The following SLC39A12 variants were observed in gnomAD, a reference collection of about 807,000 sequenced individuals.
SLC39A12 encodes zinc transporter ZIP12.
Under a neutral mutation model 71.1 loss-of-function variants are expected in SLC39A12, and 63 were observed. The ratio of observed to expected loss-of-function variants is 0.89; its 90% CI spans 0.72 to 1.09. The LOEUF (loss-of-function observed/expected upper bound fraction) is 1.09, where lower values mean the gene tolerates loss of function less well. Ranked by LOEUF, SLC39A12 falls within the 50% of genes least tolerant of loss-of-function variation. The pLI is 0.00. For missense variants in SLC39A12, 892 were observed against 812.6 expected, an observed-to-expected ratio of 1.10 and a Z score of -1.19; for synonymous variants, 351 against 301.3, an observed-to-expected ratio of 1.16 and a Z score of -1.71.
intron 2 of SLC39A12, among the ~76,000 whole-genome samples, chr10:17,957,346 C>T (rs1834577189): frequency 6.6e-6 from 1 of 152,154 alleles, no homozygotes; most frequent in South Asian, 2.1e-4. Flanking sequence ...GCCTGTTTAG[C>T]TTGAAAGGGG....
intron 3 of SLC39A12, among the ~76,000 whole-genome samples, chr10:17,962,511 G>C (rs1407016448): frequency 6.7e-6 from 1 of 150,364 alleles, no homozygotes; most frequent in African/African-American, 2.4e-5. Flanking sequence ...AATCTCAGCA[G>C]ATAAAGTTCT....
intron 10 of SLC39A12, among the ~76,000 whole-genome samples, chr10:17,999,340 CTAACAG>C (rs1835770904): frequency 6.9e-6 from 1 of 144,546 alleles, no homozygotes; most frequent in Non-Finnish European, 1.5e-5. Context: ...GCATTCAGTT[CTAACAG>C]TAACAGTAAC....
intron 12 of SLC39A12, among the ~76,000 whole-genome samples, chr10:18,028,638 C>T (rs1174373618): frequency 3.3e-5 from 5 of 152,138 alleles, no homozygotes; most frequent in Non-Finnish European, 5.9e-5. Flanking sequence ...CTCCTAATTT[C>T]CTTCATGAGT....
intron 5 of SLC39A12, 29 bp from the exon 6 acceptor site, chr10:17,981,283 A>C: frequency 6.4e-7 from 1 of 1,563,882 alleles, no homozygotes; most frequent in Non-Finnish European, 8.7e-7. Context: ...TGCTGAGATT[A>C]GTAACAATGT....
In SLC39A12 at chr10:17,975,399, G is replaced by A. The variant is rs1835084574; in HGVS notation, c.752-2503G>A. On this transcript the variant is annotated intron_variant, in intron 4 of 12. Coordinates refer to ENST00000377369, the MANE Select transcript of SLC39A12 (RefSeq NM_001145195.2). ...GTTAGCAGGTGACAAGTCCTGCCCG[G>A]ACTGGGTCCTTCCCTTCAAGGCAGC... 3.3e-5 allele frequency among the ~76,000 whole-genome samples: 5 copies of A among 152,160 alleles called. No individual in the cohort carries two copies. The South Asian group carries it at 1.0e-3, about 32-fold the overall frequency.
At chr10:18,013,445 G>A (rs2130864642) in intron 12 of SLC39A12, among the ~76,000 whole-genome samples, 2 of 151,518 alleles carry the variant, frequency 1.3e-5, no homozygotes, top group South Asian at 4.2e-4. Context: ...ATAGCTTACT[G>A]TAGGCTTGAT....
At chr10:17,979,547 GATGAA>G (rs1458531851) in intron 5 of SLC39A12, among the ~76,000 whole-genome samples, 1 of 152,064 alleles carries the variant, frequency 6.6e-6, no homozygotes, top group East Asian at 1.9e-4. Context: ...TATTGTTGAT[GATGAA>G]ATAATTACAT....
In SLC39A12 at chr10:17,988,650, T is replaced by C. The variant is rs75281024; in HGVS notation, c.1269+999T>C. 3.3e-3 allele frequency among the ~76,000 whole-genome samples: 506 copies of C among 152,238 alleles called. 4 individuals carry two copies. Among genetic ancestry groups the C allele is most frequent in the African/African-American group, 0.012 (490 of 41,548 alleles). ...TGCATCTCCTCAGCTACCTTGCAGG[T>C]TGGATTTTTGTTTGGGGTCAGCCAA... On this transcript the variant is annotated intron_variant, in intron 7 of 12. Transcript: ENST00000377369.
At chr10:18,012,896 C>T (rs530399463) in intron 12 of SLC39A12, among the ~76,000 whole-genome samples, 1 of 148,068 alleles carries the variant, frequency 6.8e-6, no homozygotes, top group Admixed American at 6.7e-5. Flanking sequence ...GGGCTTAAAT[C>T]CTGCAAAAAT....
At chr10:17,973,339 C>G (rs1353841043) in intron 4 of SLC39A12, among the ~76,000 whole-genome samples, 1 of 151,966 alleles carries the variant, frequency 6.6e-6, no homozygotes, top group East Asian at 1.9e-4. Flanking sequence ...AGTTTTTTAC[C>G]TTCAGGTGAT....
At chr10:17,957,169 T>C (rs1554847865) in intron 2 of SLC39A12, among the ~76,000 whole-genome samples, 1 of 152,224 alleles carries the variant, frequency 6.6e-6, no homozygotes, top group Non-Finnish European at 1.5e-5. Flanking sequence ...CCTGGAGGCC[T>C]GACAGCTGTC....
At chr10:18,036,443 A>C (rs933750487) in intron 12 of SLC39A12, among the ~76,000 whole-genome samples, 68 of 152,034 alleles carry the variant, frequency 4.5e-4, no homozygotes, top group Middle Eastern at 3.4e-3. Context: ...TTCTTTGACT[A>C]GGAAAGGGAA....
chr10:18,006,712 C>T (rs1437205352), intron 12 of SLC39A12, among the ~76,000 whole-genome samples: 1 of 152,200 alleles, frequency 6.6e-6, no homozygotes, highest in Non-Finnish European at 1.5e-5. Flanking sequence ...GCTTTATCTA[C>T]AGGCTCTTGT....
intron 12 of SLC39A12, among the ~76,000 whole-genome samples, chr10:18,023,872 G>T (rs1472934979): frequency 6.6e-6 from 1 of 152,136 alleles, no homozygotes; most frequent in East Asian, 1.9e-4. Context: ...AGGTCAGGAG[G>T]CACTGCTCAG....
chr10:17,962,517 G>T (rs1834717368), intron 3 of SLC39A12, among the ~76,000 whole-genome samples: 1 of 149,662 alleles, frequency 6.7e-6, no homozygotes. Flanking sequence ...AGCAGATAAA[G>T]TTCTCTGAAC....
At chr10:18,038,097 A>T (rs1431648560) in intron 12 of SLC39A12, among the ~76,000 whole-genome samples, 1 of 127,678 alleles carries the variant, frequency 7.8e-6, no homozygotes, top group African/African-American at 3.2e-5. Flanking sequence ...CATTATTTCG[A>T]TTAAAAAAAA....
At chr10:18,016,100 A>G (rs973562595) in intron 12 of SLC39A12, among the ~76,000 whole-genome samples, 1 of 152,164 alleles carries the variant, frequency 6.6e-6, no homozygotes, top group Non-Finnish European at 1.5e-5. Flanking sequence ...TATACATTCT[A>G]TGGGTTTTGA....
chr10:17,998,882 A>T (rs971211395), intron 10 of SLC39A12, among the ~76,000 whole-genome samples: 2 of 152,230 alleles, frequency 1.3e-5, no homozygotes, highest in Non-Finnish European at 2.9e-5. Flanking sequence ...GTCTTAGGCC[A>T]TGTAACAGTT....
At position 17,991,099 on chromosome 10, in the gene SLC39A12, A is replaced by C; in HGVS notation, c.1270-52A>C. 4 of 1,502,740 alleles carry C rather than the reference A, an allele frequency of 2.7e-6. 1 individual carries two copies. In the Admixed American group the frequency reaches 9.7e-5, roughly 36 times the overall value. The allele number at this position is 1,502,740 out of a possible 1,614,324, so 93.1% of individuals were successfully genotyped here. On this transcript the variant is annotated intron_variant, in intron 7 of 12. Transcript: ENST00000377369. Reference sequence around the variant, plus strand: ...CTACTATTTAATAGTTAAGTCATCAAGACTTATCTCCATCTTTCTCTCTGC... The same window carrying C: ...CTACTATTTAATAGTTAAGTCATCACGACTTATCTCCATCTTTCTCTCTGC...
Sources: gnomAD v4.1 joint callset for allele counts (sites outside exome capture counted in the v4.1 genomes callset) on GRCh38, gnomAD v4.1.1 for gene constraint, MANE v1.5 for transcripts, NCBI Gene and HGNC (gene_info 2026-07-23, HGNC 2026-07-21) for gene names.